Variants in PHC3 observed in about 807,000 individuals in gnomAD.
PHC3 encodes polyhomeotic-like protein 3.
Under a neutral mutation model 107.4 loss-of-function variants are expected in PHC3, and 13 were observed. That is an observed-to-expected ratio of 0.12 (90% CI 0.08 to 0.19). The LOEUF is 0.19. PHC3 is among the 10% of genes least tolerant of loss of function. PHC3 has a pLI of 1.00. For missense variants in PHC3, 992 were observed against 1,210.9 expected (o/e 0.82, Z 2.68); for synonymous variants, 456 against 427.4 (o/e 1.07, Z -0.83).
chr3:170,129,477 A>T lies in PHC3; in HGVS notation c.995T>A (p.Val332Asp). 6.2e-7 allele frequency: 1 copy of T among 1,613,800 alleles called. No individual in the cohort carries two copies. Residue 332 changes from valine (V) to aspartate (D), a missense_variant, in exon 8 of 15, where the codon GTT becomes GAT. Transcript: ENST00000495893. ...QIPLHSPPSK[V>D]SHHQLILQQQ... ...TTGTAATATCAGCTGATGATGGGAA[A>T]CTTTGGAAGGTGGTGAATGAAGAGG...
At chr3:170,103,740 A>G (rs1324208437) in intron 12 of PHC3, among the ~76,000 whole-genome samples, 1 of 152,228 alleles carries the variant, frequency 6.6e-6, no homozygotes, top group African/African-American at 2.4e-5. Flanking sequence ...CTGCCACTGT[A>G]GTGTGAAAGC....
chr3:170,179,616 T>C (rs1299067898), intron 1 of PHC3, among the ~76,000 whole-genome samples: 1 of 152,184 alleles, frequency 6.6e-6, no homozygotes, highest in African/African-American at 2.4e-5. Context: ...CAAAATCTTT[T>C]TCACAAAGAA....
intron 10 of PHC3, 179 bp downstream of exon 10, chr3:170,117,047 G>T: frequency 1.3e-6 from 1 of 764,738 alleles, no homozygotes; most frequent in Non-Finnish European, 2.0e-6. Flanking sequence ...AACTTAGCTG[G>T]CATAAAATTC....
chr3:170,150,937 G>T (rs1465636743), intron 4 of PHC3, among the ~76,000 whole-genome samples: 2 of 152,040 alleles, frequency 1.3e-5, no homozygotes, highest in African/African-American at 2.4e-5. Flanking sequence ...TTTTGGCCGG[G>T]TGAGGTGGCT....
intron 8 of PHC3, among the ~76,000 whole-genome samples, chr3:170,126,528 A>ATATATATATATATATT (rs370421296): frequency 2.2e-5 from 2 of 90,636 alleles, no homozygotes; most frequent in Admixed American, 1.3e-4. Context: ...ATATATATAT[A>ATATATATATATATATT]TTTTTTTTTT....
rs371840050 is a variant in PHC3 at position 170,153,762 on chromosome 3, C to CAA, written c.415-4520_415-4519dup. Among the ~76,000 whole-genome samples, 185 of 108,692 alleles carry CAA rather than the reference C, an allele frequency of 1.7e-3. 1 individual carries two copies. Among genetic ancestry groups the CAA allele is most frequent in the South Asian group, 0.011 (37 of 3,396 alleles). 71.3% of individuals were successfully genotyped at this position (108,692 alleles called of 152,430 possible). A position where few individuals can be genotyped will look rare whatever the true frequency, so the allele number is the denominator to read the frequency against. ...TGGGTGACAGAGAGAGACTCCGTCT[C>CAA]AAAAAAAAAAAAAAAAGAATCTTCT... On this transcript the variant is annotated intron_variant, in intron 4 of 14. Coordinates refer to ENST00000495893, the MANE Select transcript of PHC3 (RefSeq NM_024947.4).
At chr3:170,113,691 C>G (rs936186938) in intron 10 of PHC3, among the ~76,000 whole-genome samples, 172 bp from the exon 11 acceptor site, 1 of 152,148 alleles carries the variant, frequency 6.6e-6, no homozygotes, top group African/African-American at 2.4e-5. Flanking sequence ...GCAGAGTGGA[C>G]ATGAATGGTT....
intron 8 of PHC3, among the ~76,000 whole-genome samples, chr3:170,124,594 G>C (rs1452240796): frequency 6.6e-6 from 1 of 151,456 alleles, no homozygotes; most frequent in Non-Finnish European, 1.5e-5. Flanking sequence ...CAAACTCCTG[G>C]GCTCAAGTGA....
chr3:170,178,858 G>A lies in PHC3; in HGVS notation c.95C>T (p.Thr32Ile). ...SSVSTTTSST[T>I]TTTITTSSSR... Reference sequence around the variant, plus strand: ...GGAGGAAGTGGTGATGGTGGTGGTGGTGGTACTGCTGGTTGTTGTTGACAC... The same window carrying A: ...GGAGGAAGTGGTGATGGTGGTGGTGATGGTACTGCTGGTTGTTGTTGACAC... Residue 32 changes from threonine (T) to isoleucine (I), a missense_variant, in exon 2 of 15, where the codon ACC becomes ATC. By Grantham distance (89) the Thr-to-Ile change is moderately conservative. Transcript: ENST00000495893. The A allele has an allele frequency of 6.2e-7, 1 of 1,613,964 alleles. No individual in the cohort carries two copies. The highest frequency in any genetic ancestry group is 1.1e-5 in the South Asian group (1 of 91,086).
intron 4 of PHC3, among the ~76,000 whole-genome samples, chr3:170,160,088 T>C (rs1727638549): frequency 6.6e-6 from 1 of 152,248 alleles, no homozygotes; most frequent in African/African-American, 2.4e-5. Flanking sequence ...CTTTGTTCAC[T>C]TTCAATCCTT....
Position 170,144,278 on chromosome 3 carries a change from T to C in PHC3, c.672+1145A>G, listed in dbSNP as rs556609402. Among the ~76,000 whole-genome samples the C allele has an allele frequency of 4.0e-5, 6 of 150,922 alleles. No individual in the cohort carries two copies. The South Asian group carries it at 1.3e-3, about 32-fold the overall frequency. ...ATCACTTGAACACAGGAGGTGGAGG[T>C]TGCAGTGAGCGGAGACGGTGCCACT... On this transcript the variant is annotated intron_variant, in intron 6 of 14. Transcript: ENST00000495893.
intron 12 of PHC3, among the ~76,000 whole-genome samples, chr3:170,106,570 A>AGG (rs1716566235): frequency 6.6e-6 from 1 of 152,206 alleles, no homozygotes; most frequent in Admixed American, 6.5e-5. Context: ...TTACTACTTT[A>AGG]ATATTAGATT....
At chr3:170,141,485 GAAGT>G (rs1423697555) in intron 6 of PHC3, among the ~76,000 whole-genome samples, 4 of 152,176 alleles carry the variant, frequency 2.6e-5, no homozygotes, top group Non-Finnish European at 5.9e-5. Flanking sequence ...CTTTAAATAT[GAAGT>G]AAGATGTTTT....
At chr3:170,177,454 C>T (rs1347963171) in intron 2 of PHC3, among the ~76,000 whole-genome samples, 5 of 152,116 alleles carry the variant, frequency 3.3e-5, no homozygotes, top group Admixed American at 2.0e-4. Context: ...GCAACCTCTG[C>T]CGCCAGGGTT....
chr3:170,133,466 C>T (rs909152013), intron 7 of PHC3, among the ~76,000 whole-genome samples: 2 of 152,064 alleles, frequency 1.3e-5, no homozygotes, highest in African/African-American at 4.8e-5. Flanking sequence ...CGTGAGCCAC[C>T]GTGCCAGGCC....
chr3:170,172,434 C>T (rs1337984878), intron 3 of PHC3, 123 bp downstream of exon 3: 1 of 1,047,058 alleles, frequency 9.6e-7, no homozygotes, highest in Non-Finnish European at 1.4e-6. Flanking sequence ...TAATATATTT[C>T]CTCCGGGAAA....
intron 7 of PHC3, among the ~76,000 whole-genome samples, chr3:170,135,039 TACACCTAAGTATA>T (rs1320966802): frequency 6.6e-6 from 1 of 152,212 alleles, no homozygotes; most frequent in East Asian, 1.9e-4. Context: ...ATTTTACACT[TACACCTAAGTATA>T]AAACAAGTCT....
At chr3:170,159,625 T>C (rs766746937) in intron 4 of PHC3, among the ~76,000 whole-genome samples, 3 of 152,220 alleles carry the variant, frequency 2.0e-5, no homozygotes, top group Non-Finnish European at 4.4e-5. Flanking sequence ...TTCTTGCAGA[T>C]TTGTTTAGTT....
rs532871960 is a variant in PHC3 at position 170,117,966 on chromosome 3, C to T, written c.1943-490G>A. On this transcript the variant is annotated intron_variant, in intron 9 of 14. Transcript: ENST00000495893. ...AGGCGGAGGCTGCAGTGAGCCAAGA[C>T]TGTGCCACTGCACTCCAGCCTGGGC... Among the ~76,000 whole-genome samples, 3 of 152,150 alleles carry T rather than the reference C, an allele frequency of 2.0e-5. No individual in the cohort carries two copies. The South Asian group carries it at 6.2e-4, about 32-fold the overall frequency.
Sources: allele counts gnomAD v4.1 joint callset (sites outside exome capture counted in the v4.1 genomes callset), GRCh38; gene constraint gnomAD v4.1.1; transcripts MANE v1.5; gene names NCBI Gene and HGNC (gene_info 2026-07-23, HGNC 2026-07-21).